Variants in AOX1 observed in about 807,000 individuals in gnomAD.
AOX1 encodes the protein aldehyde oxidase.
In AOX1, 153 loss-of-function variants were observed where a neutral mutation model predicts 169.5. That is an observed-to-expected ratio of 0.90 (90% CI 0.79 to 1.03). The LOEUF (loss-of-function observed/expected upper bound fraction) is 1.03, where lower values mean the gene tolerates loss of function less well. Among genes scored for constraint, AOX1 ranks in the 50% least tolerant of loss-of-function variants. The pLI is 0.00. For synonymous variants in AOX1, 562 were observed against 581.9 expected (o/e 0.97, Z 0.49); for missense variants, 1,656 against 1,663.9 (o/e 1.00, Z 0.08).
Position 200,661,574 on chromosome 2 carries a change from C to T in AOX1, c.3376-5C>T. 1 of 1,612,472 alleles carries T rather than the reference C, an allele frequency of 6.2e-7. No individual in the cohort carries two copies. The highest frequency in any genetic ancestry group is 1.7e-4 in the Middle Eastern group (1 of 6,048). On this transcript the variant is annotated splice_polypyrimidine_tract_variant and splice_region_variant and intron_variant, in intron 29 of 34. Transcript: ENST00000374700. ...GTTGCATCATGCTATGCTCTTCCTTCACAGGCACAGACTGCTTTTGATGAA... is the reference window on the plus strand; with the variant it reads ...GTTGCATCATGCTATGCTCTTCCTTTACAGGCACAGACTGCTTTTGATGAA...
intron 18 of AOX1, among the ~76,000 whole-genome samples, chr2:200,623,111 A>G (rs746797743): frequency 6.6e-6 from 1 of 152,216 alleles, no homozygotes; most frequent in Non-Finnish European, 1.5e-5. Context: ...AAAATGAGTG[A>G]TTACATTGAA....
chr2:200,596,785 T>C (rs997169560), intron 3 of AOX1, among the ~76,000 whole-genome samples: 9 of 152,210 alleles, frequency 5.9e-5, no homozygotes, highest in African/African-American at 2.2e-4. Context: ...TAAGTTTTGC[T>C]CATAAAGTTT....
At chr2:200,655,360 T>C (rs1559257557) in intron 26 of AOX1, among the ~76,000 whole-genome samples, 1 of 152,098 alleles carries the variant, frequency 6.6e-6, no homozygotes, top group Non-Finnish European at 1.5e-5. Flanking sequence ...CAGCCAGCCC[T>C]GGGCTCTCTG....
At chr2:200,666,626 A>T (rs2035928287) in intron 31 of AOX1, 61 bp from the exon 32 acceptor site, 6 of 1,279,636 alleles carry the variant, frequency 4.7e-6, no homozygotes, top group Non-Finnish European at 6.5e-6. Flanking sequence ...AGTGTTCCTC[A>T]GCTTCTTCTC....
Position 200,659,206 on chromosome 2 carries a change from C to G in AOX1, c.3213C>G (p.His1071Gln). 1 of 1,613,960 alleles carries G rather than the reference C, an allele frequency of 6.2e-7. No homozygotes were observed. Residue 1071 changes from histidine (H) to glutamine (Q), a missense_variant, in exon 28 of 35, where the codon CAC (histidine) becomes CAG (glutamine). His to Gln is a conservative substitution (Grantham distance 24). Transcript: ENST00000374700. Reference protein sequence around the residue: ...RELRMPMSNVHLRGTSTETVP... With the variant: ...RELRMPMSNVQLRGTSTETVP... Reference sequence around the variant, plus strand: ...TAAGAATGCCAATGTCGAATGTCCACCTGCGTGGAACAAGCACAGAAACTG... The same window carrying G: ...TAAGAATGCCAATGTCGAATGTCCAGCTGCGTGGAACAAGCACAGAAACTG...
chr2:200,622,000 C>G (rs942644344), intron 18 of AOX1, among the ~76,000 whole-genome samples: 3 of 152,214 alleles, frequency 2.0e-5, no homozygotes, highest in Admixed American at 6.5e-5. Context: ...GATCTGCCCG[C>G]CTGGGCCTCC....
intron 1 of AOX1, chr2:200,588,347 T>C (rs1192692669): frequency 6.6e-6 from 1 of 152,404 alleles, no homozygotes; most frequent in African/African-American, 2.4e-5. Flanking sequence ...TTACTAGGGC[T>C]TTATAGGTGA....
At chr2:200,609,523 AT>A in intron 12 of AOX1, 109 bp downstream of exon 12, 1 of 870,900 alleles carries the variant, frequency 1.1e-6, no homozygotes, top group Non-Finnish European at 1.9e-6. Context: ...TATAATATCA[AT>A]ACATTTCTCT....
At position 200,662,368 on chromosome 2, in the gene AOX1, G is replaced by A. The variant is rs1261169539; in HGVS notation, c.3429-487G>A. Among the ~76,000 whole-genome samples, 3 of 152,184 alleles carry A rather than the reference G, an allele frequency of 2.0e-5. No homozygotes were observed. In the East Asian group the frequency reaches 5.8e-4, roughly 29 times the overall value. On this transcript the variant is annotated intron_variant, in intron 30 of 34. Coordinates refer to ENST00000374700, the MANE Select transcript of AOX1 (RefSeq NM_001159.4). Reference sequence around the variant, plus strand: ...ATTTGATGTTCTTAAAGATTAGTTAGGAACAGAGCAGGCCATGGAGCTTGA... The same window carrying A: ...ATTTGATGTTCTTAAAGATTAGTTAAGAACAGAGCAGGCCATGGAGCTTGA...
intron 23 of AOX1, among the ~76,000 whole-genome samples, 193 bp downstream of exon 23, chr2:200,638,495 G>A (rs1020410597): frequency 5.9e-5 from 9 of 152,176 alleles, no homozygotes; most frequent in African/African-American, 9.7e-5. Flanking sequence ...TTTCTGCTTA[G>A]CTCAAAGATG....
chr2:200,598,519 CAGATCACG>C (rs2034335642), intron 4 of AOX1, among the ~76,000 whole-genome samples: 2 of 152,056 alleles, frequency 1.3e-5, no homozygotes, highest in Admixed American at 1.3e-4. Context: ...CAGAGGTGGG[CAGATCACG>C]AGCTCAAGAG....
At chr2:200,666,195 A>G (rs1222072021) in intron 31 of AOX1, among the ~76,000 whole-genome samples, 1 of 152,262 alleles carries the variant, frequency 6.6e-6, no homozygotes, top group African/African-American at 2.4e-5. Context: ...ACAAAAATGA[A>G]AAGTCTAGAA....
intron 12 of AOX1, 90 bp downstream of exon 12, chr2:200,609,504 A>G: frequency 9.0e-7 from 1 of 1,114,864 alleles, no homozygotes. Flanking sequence ...CTTGAAAATG[A>G]CTTTTCCCTA....
At chr2:200,668,584 C>T (rs763078950) in intron 32 of AOX1, 31 bp from the exon 33 acceptor site, 30 of 1,570,632 alleles carry the variant, frequency 1.9e-5, no homozygotes, top group Admixed American at 1.3e-4. Flanking sequence ...TTTTCTCATA[C>T]GTGGAAATTC....
At chr2:200,588,708 G>A (rs923184527) in intron 1 of AOX1, among the ~76,000 whole-genome samples, 1 of 94,970 alleles carries the variant, frequency 1.1e-5, no homozygotes, top group Admixed American at 1.0e-4. Context: ...TTACTTACAT[G>A]GAAAGAACTA....
chr2:200,666,783 T>A, intron 32 of AOX1, 31 bp downstream of exon 32: 1 of 1,571,492 alleles, frequency 6.4e-7, no homozygotes, highest in Non-Finnish European at 8.7e-7. Context: ...TCACTTTCTA[T>A]TTGTAAAAGC....
At chr2:200,610,316 C>T (rs980673006) in intron 12 of AOX1, among the ~76,000 whole-genome samples, 7 of 152,192 alleles carry the variant, frequency 4.6e-5, no homozygotes, top group Non-Finnish European at 8.8e-5. Context: ...GGGTGATCCA[C>T]CCGCCTCTGC....
At chr2:200,619,855 A>G (rs1021014589) in intron 16 of AOX1, among the ~76,000 whole-genome samples, 1 of 152,192 alleles carries the variant, frequency 6.6e-6, no homozygotes, top group Non-Finnish European at 1.5e-5. Context: ...AAAGAAGGCT[A>G]TTCTGGTTGA....
rs372717699 is a variant in AOX1, at chr2:200,593,146, G to A, written c.46G>A (p.Val16Met). ...AACTCTTATTTTCCCTTTGGTATAG[G>A]TGATAGAAAAAAATGTCGATCCTGA... Reference protein sequence around the residue: ...ELLFYVNGRKVIEKNVDPETM... With the variant: ...ELLFYVNGRKMIEKNVDPETM... Residue 16 changes from valine to methionine, a missense_variant and splice_region_variant, in exon 2 of 35, where the codon GTG (valine) becomes ATG (methionine). Physicochemically the swap from Val to Met is conservative, Grantham distance 21. Transcript: ENST00000374700. 1.2e-6 allele frequency: 2 copies of A among 1,612,228 alleles called. No homozygotes were observed. Among genetic ancestry groups the A allele is most frequent in the African/African-American group, 1.3e-5 (1 of 74,842 alleles).
Sources: allele counts gnomAD v4.1 joint callset (sites outside exome capture counted in the v4.1 genomes callset), GRCh38; gene constraint gnomAD v4.1.1; transcripts MANE v1.5; gene names NCBI Gene and HGNC (gene_info 2026-07-23, HGNC 2026-07-21).